Variants in MAEA observed in about 807,000 individuals in gnomAD.
MAEA encodes the protein E3 ubiquitin-protein transferase MAEA.
MAEA carries 22 observed loss-of-function variants against 46.2 expected under a neutral mutation model. The ratio of observed to expected loss-of-function variants is 0.48; its 90% confidence interval spans 0.34 to 0.68. The LOEUF (loss-of-function observed/expected upper bound fraction) is 0.68, where lower values mean the gene tolerates loss of function less well. Among genes scored for constraint, MAEA ranks in the 30% least tolerant of loss-of-function variants. The pLI is 0.01. For missense variants in MAEA, 393 were observed against 558.1 expected (o/e 0.70, Z 2.98); for synonymous variants, 246 against 222.6 (o/e 1.11, Z -0.94).
chr4:1,328,603 A>C, intron 5 of MAEA: 1 of 1,213,470 alleles, frequency 8.2e-7, no homozygotes, highest in South Asian at 1.4e-5. Context: ...TGCCCACAGA[A>C]ACCCGACCGC....
intron 3 of MAEA, among the ~76,000 whole-genome samples, chr4:1,317,490 T>C (rs1577188493): frequency 1.3e-5 from 2 of 151,886 alleles, no homozygotes; most frequent in Non-Finnish European, 2.9e-5. Flanking sequence ...CTGCCCTGGG[T>C]GGAGCGGCAC....
chr4:1,290,681 G>A (rs900322490), intron 1 of MAEA, among the ~76,000 whole-genome samples: 1 of 152,226 alleles, frequency 6.6e-6, no homozygotes, highest in South Asian at 2.1e-4. Context: ...CTAGAGCTGC[G>A]GCTGAGCTTC....
At chr4:1,309,544 C>G (rs1176665121) in intron 1 of MAEA, 1 of 1,424,088 alleles carries the variant, frequency 7.0e-7, no homozygotes, top group African/African-American at 1.4e-5. Flanking sequence ...ATCCCCTGAA[C>G]TCAGATTGGA....
chr4:1,323,428 C>T (rs1738399721), intron 4 of MAEA: 1 of 701,228 alleles, frequency 1.4e-6, no homozygotes, highest in Non-Finnish European at 2.6e-6. Flanking sequence ...GCTGCTTTAA[C>T]CTCACCCTGG....
chr4:1,315,947 C>T (rs1294897418), intron 3 of MAEA, among the ~76,000 whole-genome samples: 3 of 146,948 alleles, frequency 2.0e-5, no homozygotes, highest in Admixed American at 6.8e-5. Flanking sequence ...GGCCTCCTCC[C>T]CAGCTGAGAG....
intron 4 of MAEA, among the ~76,000 whole-genome samples, chr4:1,327,017 G>T (rs1738927994): frequency 2.0e-5 from 3 of 152,232 alleles, no homozygotes; most frequent in Admixed American, 2.0e-4. Context: ...CCTGGGTCCT[G>T]CCTGCTCCAA....
At chr4:1,322,217 G>A (rs1385616764) in intron 3 of MAEA, among the ~76,000 whole-genome samples, 164 bp from the exon 4 acceptor site, 1 of 152,192 alleles carries the variant, frequency 6.6e-6, no homozygotes, top group East Asian at 1.9e-4. Context: ...GGATCTCAGA[G>A]CGGCCCTGAG....
intron 4 of MAEA, among the ~76,000 whole-genome samples, 174 bp downstream of exon 4, chr4:1,322,677 C>T (rs1035952971): frequency 7.9e-5 from 12 of 152,106 alleles, no homozygotes; most frequent in African/African-American, 2.9e-4. Flanking sequence ...AGGCTAAAAT[C>T]TGGAAAAGTG....
intron 3 of MAEA, among the ~76,000 whole-genome samples, chr4:1,320,956 C>G (rs188073788): frequency 4.6e-5 from 7 of 152,108 alleles, no homozygotes. Context: ...AAAATTTAGC[C>G]GGGCGTGGTG....
chr4:1,295,353 C>A (rs1459464453), intron 1 of MAEA, among the ~76,000 whole-genome samples: 3 of 152,110 alleles, frequency 2.0e-5, no homozygotes, highest in Admixed American at 6.5e-5. Flanking sequence ...GAATTATTCA[C>A]TGTGTTAATA....
In MAEA at chr4:1,336,974, C is replaced by G. The variant is rs1560394787; in HGVS notation, c.879C>G (p.Gly293=). 1 of 1,613,956 alleles carries G rather than the reference C, an allele frequency of 6.2e-7. No individual in the cohort carries two copies. The highest frequency in any genetic ancestry group is 8.5e-7 in the Non-Finnish European group (1 of 1,180,000). Residue 293 remains glycine (G), a synonymous_variant, in exon 7 of 9, where the codon GGC becomes GGG. Transcript: ENST00000303400. The part of the protein sequence containing the change: ...NSVFTLTLQA[G]LSAIKTPQCY... ...TGTTCACCCTCACCCTGCAGGCTGG[C>G]CTCTCAGCCATCAAGACACCGTATC...
intron 1 of MAEA, among the ~76,000 whole-genome samples, chr4:1,308,547 C>T (rs142683104): frequency 1.2e-3 from 188 of 152,334 alleles, no homozygotes; most frequent in East Asian, 9.4e-3. Flanking sequence ...TGGCACTGCA[C>T]GCGTGTCCCG....
intron 5 of MAEA, chr4:1,328,919 G>T: frequency 9.9e-7 from 1 of 1,006,906 alleles, no homozygotes; most frequent in Non-Finnish European, 1.2e-6. Flanking sequence ...CGGGCCAGTG[G>T]AGAGTGGCGT....
At chr4:1,306,108 A>T (rs535814514) in intron 1 of MAEA, among the ~76,000 whole-genome samples, 1 of 152,228 alleles carries the variant, frequency 6.6e-6, no homozygotes, top group African/African-American at 2.4e-5. Context: ...TCCTCAGTTT[A>T]CCCATTCAGA....
Position 1,339,365 on chromosome 4 carries a change from G to A in MAEA, c.*196G>A. ...TTTGTACTTGAAAACATTTGGATTG[G>A]TAGGATTTTGTAACACGTCAACCAT... On this transcript the variant is annotated 3_prime_UTR_variant, in exon 9 of 9. Transcript: ENST00000303400. 1 of 576,692 alleles carries A rather than the reference G, an allele frequency of 1.7e-6. No individual in the cohort carries two copies. The highest frequency in any genetic ancestry group is 3.1e-6 in the Non-Finnish European group (1 of 325,126). The allele number at this position is 576,692 out of a possible 1,614,324, so 35.7% of individuals were successfully genotyped here. A position where few individuals can be genotyped will look rare whatever the true frequency, so the allele number is the denominator to read the frequency against.
chr4:1,292,287 T>C (rs1241515856), intron 1 of MAEA, among the ~76,000 whole-genome samples: 1 of 152,162 alleles, frequency 6.6e-6, no homozygotes, highest in African/African-American at 2.4e-5. Context: ...GGGGATTCCT[T>C]TCTCTTCAGA....
chr4:1,304,236 A>G (rs557144987), intron 1 of MAEA, among the ~76,000 whole-genome samples: 1 of 152,162 alleles, frequency 6.6e-6, no homozygotes, highest in African/African-American at 2.4e-5. Context: ...CTAGCTTTCA[A>G]AGGTTTAGTA....
intron 3 of MAEA, among the ~76,000 whole-genome samples, chr4:1,318,052 C>G (rs938886153): frequency 2.0e-5 from 3 of 152,226 alleles, no homozygotes; most frequent in African/African-American, 7.2e-5. Flanking sequence ...CATGTCCGCT[C>G]CGGTGCCCTG....
chr4:1,329,289 G>A, intron 5 of MAEA: 1 of 982,806 alleles, frequency 1.0e-6, no homozygotes, highest in Non-Finnish European at 1.2e-6. Context: ...TCCGCGTAGG[G>A]TCTCTTTGCC....
Sources: allele counts gnomAD v4.1 joint callset (sites outside exome capture counted in the v4.1 genomes callset), GRCh38; gene constraint gnomAD v4.1.1; transcripts MANE v1.5; gene names NCBI Gene and HGNC (gene_info 2026-07-23, HGNC 2026-07-21).